NOD1: variants seen among roughly 807,000 people sequenced by gnomAD.
NOD1 encodes the protein nucleotide binding oligomerization domain containing 1, also known as nucleotide-binding oligomerization domain-containing protein 1.
In NOD1, 70 loss-of-function variants were observed where a neutral mutation model predicts 81.2. The observed-to-expected ratio is 0.86, with a 90% CI of 0.71 to 1.05. NOD1 has a LOEUF of 1.05. Ranked by LOEUF, NOD1 falls within the 50% of genes least tolerant of loss-of-function variation. The pLI, the probability that NOD1 is intolerant of heterozygous loss-of-function variation, is 0.00. For synonymous variants in NOD1, 508 were observed against 526.9 expected (o/e 0.96, Z 0.49); for missense variants, 1,233 against 1,228.0 (o/e 1.00, Z -0.06).
At chr7:30,428,202 C>A (rs1783628126) in intron 13 of NOD1, among the ~76,000 whole-genome samples, 1 of 152,164 alleles carries the variant, frequency 6.6e-6, no homozygotes, top group African/African-American at 2.4e-5. Context: ...TCCTGAGTAG[C>A]TGGGACTACA....
chr7:30,465,283 G>A (rs2128093953), intron 1 of NOD1, among the ~76,000 whole-genome samples: 1 of 152,298 alleles, frequency 6.6e-6, no homozygotes, highest in East Asian at 1.9e-4. Flanking sequence ...AAAACCCACA[G>A]GAGGTGTGGG....
At chr7:30,437,192 T>G (rs909900031) in intron 10 of NOD1, among the ~76,000 whole-genome samples, 3 of 146,800 alleles carry the variant, frequency 2.0e-5, no homozygotes, top group African/African-American at 7.6e-5. Flanking sequence ...CATGGACACA[T>G]GGAGGGGAAC....
At chr7:30,457,630 G>C (rs1402743019) in intron 3 of NOD1, among the ~76,000 whole-genome samples, 14 of 152,124 alleles carry the variant, frequency 9.2e-5, no homozygotes, top group Admixed American at 4.6e-4. Flanking sequence ...TACTGGGATA[G>C]AGATGGAAAG....
rs144500688 is a variant in NOD1 at position 30,472,120 on chromosome 7, T to C, written c.-352+6486A>G. On this transcript the variant is annotated intron_variant, in intron 1 of 13. Coordinates refer to ENST00000222823, the MANE Select transcript of NOD1 (RefSeq NM_006092.4). Reference sequence around the variant, plus strand: ...GACTAATGATCTTTTTCTTGTATATTATGAATGACAGGAAAAAGTCAGGAG... The same window carrying C: ...GACTAATGATCTTTTTCTTGTATATCATGAATGACAGGAAAAAGTCAGGAG... Among the ~76,000 whole-genome samples the C allele has an allele frequency of 3.5e-3, 531 of 152,348 alleles. 3 individuals are homozygous for C. Among genetic ancestry groups the C allele is most frequent in the Non-Finnish European group, 6.4e-3 (437 of 68,038 alleles).
chr7:30,455,225 G>A lies in NOD1; in HGVS notation c.288C>T (p.Ala96=). The change falls in exon 5 of 14, where the codon GCC becomes GCT. Residue 96 remains alanine, a synonymous_variant. Coordinates refer to ENST00000222823, the MANE Select transcript of NOD1 (RefSeq NM_006092.4). ...GCAGCCAAGGCCTGAGGTCCACGTA[G>A]GCATCTGCGAGTTGCTGGAGCAAGT... is the stretch of plus-strand genomic sequence containing the variant. ...FLYLLQQLAD[A]YVDLRPWLLE... is the part of the protein sequence containing the mutation. 1 of 1,614,174 alleles carries A rather than the reference G, an allele frequency of 6.2e-7. No individual in the cohort carries two copies.
intron 9 of NOD1, among the ~76,000 whole-genome samples, chr7:30,439,147 T>C (rs1271988216): frequency 6.6e-6 from 1 of 152,184 alleles, no homozygotes; most frequent in African/African-American, 2.4e-5. Context: ...AAAATGGTGC[T>C]GCTGCCGTGG....
At chr7:30,434,477 T>C (rs1359598329) in intron 11 of NOD1, among the ~76,000 whole-genome samples, 1 of 152,092 alleles carries the variant, frequency 6.6e-6, no homozygotes, top group Non-Finnish European at 1.5e-5. Context: ...TGGACCAAAA[T>C]GTCAACAGCA....
At chr7:30,457,710 C>G (rs968644864) in intron 3 of NOD1, among the ~76,000 whole-genome samples, 1 of 151,952 alleles carries the variant, frequency 6.6e-6, no homozygotes, top group Non-Finnish European at 1.5e-5. Context: ...GGAACAGGCC[C>G]AGAACTGAGA....
chr7:30,433,527 CCCA>C, intron 11 of NOD1: 3 of 295,798 alleles, frequency 1.0e-5, no homozygotes, highest in South Asian at 6.0e-5. Context: ...CTCCTCTAGT[CCCA>C]GGGTCCCTTG....
At chr7:30,462,035 G>C (rs758640059) in intron 1 of NOD1, among the ~76,000 whole-genome samples, 13 of 152,188 alleles carry the variant, frequency 8.5e-5, no homozygotes, top group Non-Finnish European at 1.6e-4. Flanking sequence ...ACCGTGCCTG[G>C]CCAGGAATGA....
At chr7:30,475,610 G>T (rs542274053) in intron 1 of NOD1, among the ~76,000 whole-genome samples, 2 of 152,310 alleles carry the variant, frequency 1.3e-5, no homozygotes, top group Middle Eastern at 3.4e-3. Flanking sequence ...CCTTCAGAGT[G>T]GCATCATCCC....
chr7:30,425,801 G>T, intron 13 of NOD1, 91 bp from the exon 14 acceptor site: 2 of 860,990 alleles, frequency 2.3e-6, no homozygotes, highest in Non-Finnish European at 4.0e-6. Flanking sequence ...GCACACACTC[G>T]TGTATCACAC....
chr7:30,435,777 A>G (rs530206899), intron 11 of NOD1, among the ~76,000 whole-genome samples: 4 of 152,046 alleles, frequency 2.6e-5, no homozygotes, highest in Non-Finnish European at 5.9e-5. Context: ...TGGGTAACAT[A>G]GCAAAACCCC....
chr7:30,456,938 G>C lies in NOD1; in HGVS notation c.-17C>G. ...CTCTTCCATAGTTAAAGTAGCAAGC[G>C]GCTACTTTTCCCAAATTCATCTTCA... On this transcript the variant is annotated 5_prime_UTR_variant, in exon 4 of 14. Coordinates refer to ENST00000222823, the MANE Select transcript of NOD1 (RefSeq NM_006092.4). 1.2e-6 allele frequency: 2 copies of C among 1,609,714 alleles called. No individual in the cohort carries two copies. Among genetic ancestry groups the C allele is most frequent in the Non-Finnish European group, 1.7e-6 (2 of 1,176,018 alleles).
intron 12 of NOD1, 64 bp from the exon 13 acceptor site, chr7:30,429,521 G>C (rs1328546334): frequency 1.4e-6 from 2 of 1,429,782 alleles, no homozygotes; most frequent in Non-Finnish European, 2.0e-6. Context: ...CCCTTCGTAA[G>C]GGAGTTGCAA....
At chr7:30,474,069 A>G (rs1788532020) in intron 1 of NOD1, among the ~76,000 whole-genome samples, 1 of 152,196 alleles carries the variant, frequency 6.6e-6, no homozygotes, top group African/African-American at 2.4e-5. Context: ...ATTTCATTTA[A>G]TCAAATCAAG....
rs73687874 is a variant in NOD1, at chr7:30,463,349, T to C, written c.-351-3308A>G. Among the ~76,000 whole-genome samples, 690 of 152,112 alleles carry C rather than the reference T, an allele frequency of 4.5e-3. 3 individuals carry two copies. Among genetic ancestry groups the C allele is most frequent in the African/African-American group, 0.016 (650 of 41,484 alleles). On this transcript the variant is annotated intron_variant, in intron 1 of 13. Coordinates refer to ENST00000222823, the MANE Select transcript of NOD1 (RefSeq NM_006092.4). The stretch of plus-strand genomic sequence containing the variant: ...TGTTGCTACCGTATCTGCACTAAAA[T>C]GAACACTAAATAGAGTTTTTCAGGT...
chr7:30,468,854 T>G (rs1429685907), intron 1 of NOD1: 2 of 985,322 alleles, frequency 2.0e-6, no homozygotes, highest in East Asian at 2.3e-4. Flanking sequence ...GTAAAGAAGA[T>G]AATTATACTC....
At chr7:30,475,658 G>A (rs763454552) in intron 1 of NOD1, among the ~76,000 whole-genome samples, 8 of 152,232 alleles carry the variant, frequency 5.3e-5, no homozygotes, top group Non-Finnish European at 5.9e-5. Flanking sequence ...GGAGGATGGC[G>A]AAGAGAAGGG....
Sources: gnomAD v4.1 joint callset for allele counts (sites outside exome capture counted in the v4.1 genomes callset) on GRCh38, gnomAD v4.1.1 for gene constraint, MANE v1.5 for transcripts, NCBI Gene and HGNC (gene_info 2026-07-23, HGNC 2026-07-21) for gene names.